Variants in CROCC observed in about 807,000 individuals in gnomAD.
CROCC encodes ciliary rootlet coiled-coil, rootletin.
Under a neutral mutation model 245.2 loss-of-function variants are expected in CROCC, and 180 were observed. The ratio of observed to expected loss-of-function variants is 0.73; its 90% CI spans 0.65 to 0.83. CROCC has a LOEUF of 0.83. Ranked by LOEUF, CROCC falls within the 40% of genes least tolerant of loss-of-function variation. The probability of loss-of-function intolerance (pLI) is 0.00; values close to 1 mark genes in which losing one functional copy is unlikely to be tolerated. For missense variants in CROCC, 2,688 were observed against 2,779.4 expected, an observed-to-expected ratio of 0.97 and a Z score of 0.74; for synonymous variants, 1,205 against 1,241.6, an observed-to-expected ratio of 0.97 and a Z score of 0.62.
intron 14 of CROCC, among the ~76,000 whole-genome samples, 153 bp downstream of exon 14, chr1:16,944,435 A>G (rs1384720016): frequency 6.6e-6 from 1 of 152,290 alleles, no homozygotes. Flanking sequence ...GACCCATTTC[A>G]GGAAACTGGG....
In CROCC at chr1:16,946,988, G is replaced by C. The variant is rs555405161; in HGVS notation, c.2511G>C (p.Ala837=). The change falls in exon 17 of 37, where the codon GCG becomes GCC. Residue 837 remains alanine (A), a synonymous_variant. Transcript: ENST00000375541. The stretch of plus-strand genomic sequence containing the variant: ...GCAGCCAGCTGCAGGAGCAGCTAGC[G>C]CAGGTGGGCAAAGCTGTGTGTGGGG... ...HERSQLQEQL[A]QLSRQLSGRE... The C allele has an allele frequency of 3.2e-6, 5 of 1,550,106 alleles. No homozygotes were observed. Among genetic ancestry groups the C allele is most frequent in the Non-Finnish European group, 4.4e-6 (5 of 1,147,622 alleles).
chr1:16,930,548 G>A lies in CROCC; in HGVS notation c.803G>A (p.Arg268His), dbSNP rs774108446. 18 of 1,612,404 alleles carry A rather than the reference G, an allele frequency of 1.1e-5. No homozygotes were observed. Among genetic ancestry groups the A allele is most frequent in the Non-Finnish European group, 1.4e-5 (17 of 1,179,788 alleles). The stretch of plus-strand genomic sequence containing the variant: ...GTGACCAATGACTGGACACGCTGCC[G>A]CAAGGAGCTGGAGCACCGGGAGGCG... Reference protein sequence around the residue: ...RKVTNDWTRCRKELEHREAAW... With the variant: ...RKVTNDWTRCHKELEHREAAW... The change falls in exon 7 of 37, where the codon CGC becomes CAC. Residue 268 changes from arginine (R) to histidine (H), a missense_variant. By Grantham distance (29) the Arg-to-His change is conservative (BLOSUM62 0). Around this residue, in one of 9 missense-constraint regions of CROCC, gnomAD observed 972 missense variants for 895.3 expected, o/e 1.09. Transcript: ENST00000375541.
At position 16,930,606 on chromosome 1, in the gene CROCC, G is replaced by A. The variant is rs1343079630; in HGVS notation, c.849+12G>A. Reference sequence around the variant, plus strand: ...GGCGCGAGGAGGAGGTGGGCATGGGGGTGCAGGGAGGCCAGCCTGACCCAA... The same window carrying A: ...GGCGCGAGGAGGAGGTGGGCATGGGAGTGCAGGGAGGCCAGCCTGACCCAA... On this transcript the variant is annotated intron_variant, in intron 7 of 36. Coordinates refer to ENST00000375541, the MANE Select transcript of CROCC (RefSeq NM_014675.5). 5 of 1,601,240 alleles carry A rather than the reference G, an allele frequency of 3.1e-6. No homozygotes were observed. In the Admixed American group the frequency reaches 5.2e-5, roughly 16 times the overall value.
At chr1:16,917,356 T>C (rs2075319206), upstream of CROCC, among the ~76,000 whole-genome samples, 1 of 152,286 alleles carries the variant, frequency 6.6e-6, no homozygotes, top group South Asian at 2.1e-4. Flanking sequence ...ATTTTTGTCA[T>C]AATTTCTAGT....
chr1:16,960,634 A>C (rs546029206), intron 26 of CROCC, 124 bp from the exon 27 acceptor site: 2 of 1,239,250 alleles, frequency 1.6e-6, no homozygotes, highest in South Asian at 2.9e-5. Context: ...AGTGGCGAGC[A>C]CTAAAGGAGA....
intron 35 of CROCC, 26 bp downstream of exon 35, chr1:16,970,793 C>A: frequency 6.5e-7 from 1 of 1,542,246 alleles, no homozygotes; most frequent in Non-Finnish European, 8.7e-7. Flanking sequence ...GTCCGGGACC[C>A]CAACTTCATC....
rs2076518577 is a variant in CROCC at position 16,971,483 on chromosome 1, G to A, written c.5803G>A (p.Glu1935Lys). The change falls in exon 36 of 37, where the codon GAG becomes AAG. Residue 1935 changes from glutamate (E) to lysine (K), a missense_variant. Coordinates refer to ENST00000375541, the MANE Select transcript of CROCC (RefSeq NM_014675.5). ...CCTGCAGGCGCAGGTGGTGGTGCTGGAGCAGAGCCACAGCCCGGCCCAGCT... is the reference window on the plus strand; with the variant it reads ...CCTGCAGGCGCAGGTGGTGGTGCTGAAGCAGAGCCACAGCCCGGCCCAGCT... Reference protein sequence around the residue: ...QQLEAQVVVLEQSHSPAQLEV... With the variant: ...QQLEAQVVVLKQSHSPAQLEV... The A allele has an allele frequency of 1.3e-6, 2 of 1,536,404 alleles. No individual in the cohort carries two copies. Among genetic ancestry groups the A allele is most frequent in the South Asian group, 1.2e-5 (1 of 83,902 alleles).
At chr1:16,943,907 A>G (rs1463975148) in intron 13 of CROCC, among the ~76,000 whole-genome samples, 193 bp from the exon 14 acceptor site, 1 of 152,278 alleles carries the variant, frequency 6.6e-6, no homozygotes, top group Non-Finnish European at 1.5e-5. Context: ...GAGAGAAGGA[A>G]AGCCAGGTTC....
chr1:16,959,918 A>G (rs2076302701), intron 26 of CROCC, among the ~76,000 whole-genome samples: 1 of 151,782 alleles, frequency 6.6e-6, no homozygotes, highest in Non-Finnish European at 1.5e-5. Context: ...CTGTGAGTAC[A>G]TGTGATTAAT....
At chr1:16,921,889 G>C (rs1383224426), upstream of CROCC, 47 of 970,012 alleles carry the variant, frequency 4.8e-5, no homozygotes, top group Non-Finnish European at 1.6e-6. Context: ...TGGTCACATG[G>C]GGGCGCCGCC....
chr1:16,928,511 A>T (rs1156721292), intron 3 of CROCC, among the ~76,000 whole-genome samples: 4 of 151,576 alleles, frequency 2.6e-5, no homozygotes, highest in Admixed American at 6.6e-5. Context: ...TTTTTTTAAG[A>T]TGGAGTCTTG....
At chr1:16,970,872 C>A in intron 35 of CROCC, 105 bp downstream of exon 35, 1 of 1,323,836 alleles carries the variant, frequency 7.6e-7, no homozygotes, top group South Asian at 1.7e-5. Flanking sequence ...ATAACCCCCT[C>A]CCCCAGGAGC....
rs201543544 is a variant in CROCC at position 16,972,518 on chromosome 1, CA to C, written c.*73del. ...GGACCCTTCTTTTGGACAGCCCCCCCACCCAGAGCCCGGTCCCTTGGGGGCC... is the reference window on the plus strand; with the variant it reads ...GGACCCTTCTTTTGGACAGCCCCCCCCCCAGAGCCCGGTCCCTTGGGGGCC... On this transcript the variant is annotated 3_prime_UTR_variant, in exon 37 of 37. Transcript: ENST00000375541. 92,754 of 711,042 alleles carry C rather than the reference CA, an allele frequency of 0.13. 422 individuals are homozygous for C. The highest frequency in any genetic ancestry group is 0.21 in the South Asian group (7,889 of 36,734). 44.0% of individuals were successfully genotyped at this position (711,042 alleles called of 1,614,324 possible).
intron 8 of CROCC, among the ~76,000 whole-genome samples, chr1:16,935,490 G>A (rs1283954276): frequency 1.1e-4 from 17 of 152,322 alleles, no homozygotes; most frequent in Admixed American, 4.6e-4. Context: ...GCCCAATCTC[G>A]GCTCTCTGCA....
At chr1:16,937,346 C>T (rs1175157547) in intron 9 of CROCC, among the ~76,000 whole-genome samples, 8 of 150,312 alleles carry the variant, frequency 5.3e-5, no homozygotes, top group African/African-American at 1.7e-4. Context: ...GAGCGAAACT[C>T]CGTCTCAAAA....
At chr1:16,963,148 A>ACCCT (rs1307390891) in intron 27 of CROCC, among the ~76,000 whole-genome samples, 5 of 148,964 alleles carry the variant, frequency 3.4e-5, no homozygotes, top group African/African-American at 5.0e-5. Flanking sequence ...GCACCATTGC[A>ACCCT]CTCTAGACTG....
rs143030959 is a variant in CROCC, at chr1:16,971,072, C to G, written c.5784+305C>G. On this transcript the variant is annotated intron_variant, in intron 35 of 36. Transcript: ENST00000375541. ...GAATCTTGTGCATGGTGTGGCGTGT[C>G]TAGGTATTATGAATATGTGTTTGTG... 8.5e-3 allele frequency: 3,746 copies of G among 442,824 alleles called. 29 individuals carry two copies. Among genetic ancestry groups the G allele is most frequent in the Middle Eastern group, 0.015 (26 of 1,724 alleles). The allele number at this position is 442,824 out of a possible 1,614,324, so 27.4% of individuals were successfully genotyped here.
chr1:16,969,122 G>A lies in CROCC; in HGVS notation c.5083G>A (p.Asp1695Asn), dbSNP rs143020482. ...CTGGCTGTCCTCCTGCCAGGTGGCCGACAGCGAGGTGAAGGCAGGGACCCT... is the reference window on the plus strand; with the variant it reads ...CTGGCTGTCCTCCTGCCAGGTGGCCAACAGCGAGGTGAAGGCAGGGACCCT... ...RVDSLQRQVA[D>N]SEVKAGTLQL... is the part of the protein sequence containing the mutation. Residue 1695 changes from aspartate to asparagine, a missense_variant, in exon 32 of 37, where the codon GAC (aspartate) becomes AAC (asparagine). By Grantham distance (23) the Asp-to-Asn change is conservative (BLOSUM62 1). This residue lies in a region of CROCC where 1,218 missense variants were observed against 1,286.3 expected (regional missense o/e 0.95). Coordinates refer to ENST00000375541, the MANE Select transcript of CROCC (RefSeq NM_014675.5). The A allele has an allele frequency of 3.5e-5, 56 of 1,599,464 alleles. No individual in the cohort carries two copies. The highest frequency in any genetic ancestry group is 2.5e-4 in the Admixed American group (14 of 56,990).
In CROCC at chr1:16,946,280, C is replaced by T; in HGVS notation, c.2158C>T (p.Leu720Phe). ...LTKAEAGRVELELSMTKLRAE... is the reference protein window; with the variant it reads ...LTKAEAGRVEFELSMTKLRAE... ...GCAGGCTGAGGCTGGCCGCGTGGAG[C>T]TCGAGCTCTCCATGACCAAGCTGAG... is the stretch of plus-strand genomic sequence containing the variant. The change falls in exon 16 of 37, where the codon CTC becomes TTC. Residue 720 changes from leucine (L) to phenylalanine (F), a missense_variant. Around this residue, in one of 9 missense-constraint regions of CROCC, gnomAD observed 295 missense variants for 241.7 expected, o/e 1.22. Coordinates refer to ENST00000375541, the MANE Select transcript of CROCC (RefSeq NM_014675.5). The T allele has an allele frequency of 1.2e-6, 2 of 1,613,302 alleles. No homozygotes were observed. Among genetic ancestry groups the T allele is most frequent in the East Asian group, 2.2e-5 (1 of 44,888 alleles).
Sources: allele counts gnomAD v4.1 joint callset (sites outside exome capture counted in the v4.1 genomes callset), GRCh38; gene constraint gnomAD v4.1.1; regional missense constraint gnomAD v4.1.1; transcripts MANE v1.5; gene names NCBI Gene and HGNC (gene_info 2026-07-23, HGNC 2026-07-21).